Variants in ANKRD13C observed in about 807,000 individuals in gnomAD.
The protein encoded by ANKRD13C is ankyrin repeat domain-containing protein 13C.
A neutral mutation model predicts 65.5 loss-of-function variants in ANKRD13C; 16 were observed. The ratio of observed to expected loss-of-function variants is 0.24; its 90% CI spans 0.17 to 0.37. The LOEUF (loss-of-function observed/expected upper bound fraction) is 0.37, where lower values mean the gene tolerates loss of function less well. ANKRD13C is among the 10% of genes least tolerant of loss of function. ANKRD13C has a pLI of 1.00. For missense variants in ANKRD13C, 503 were observed against 655.9 expected, an observed-to-expected ratio of 0.77 and a Z score of 2.55; for synonymous variants, 235 against 238.7, an observed-to-expected ratio of 0.98 and a Z score of 0.14.
At chr1:70,350,000 C>T (rs536349729) in intron 1 of ANKRD13C, among the ~76,000 whole-genome samples, 63 of 152,000 alleles carry the variant, frequency 4.1e-4, no homozygotes, top group African/African-American at 1.5e-3. Flanking sequence ...AAAAATTAGC[C>T]GGTGTGGTGG....
At chr1:70,353,879 A>G in intron 1 of ANKRD13C, 100 bp downstream of exon 1, 1 of 1,391,400 alleles carries the variant, frequency 7.2e-7, no homozygotes. Flanking sequence ...ATGGGCAAAA[A>G]GAAGAGTCTG....
chr1:70,340,418 T>C (rs1038845651), intron 1 of ANKRD13C, among the ~76,000 whole-genome samples: 1 of 152,186 alleles, frequency 6.6e-6, no homozygotes, highest in Non-Finnish European at 1.5e-5. Flanking sequence ...GTAATTTCAA[T>C]CGTCTGAAAT....
rs1571999692 is a variant in ANKRD13C, at chr1:70,259,591, T to C, written c.*3126A>G. 6.6e-6 allele frequency among the ~76,000 whole-genome samples: 1 copy of C among 152,286 alleles called. No homozygotes were observed. The highest frequency in any genetic ancestry group is 6.5e-5 in the Admixed American group (1 of 15,292). ...AGAGTTAGTTACTATTGCCCCAGATTTCTGACATAAAATGCTTTGCAAGAG... is the reference window on the plus strand; with the variant it reads ...AGAGTTAGTTACTATTGCCCCAGATCTCTGACATAAAATGCTTTGCAAGAG... On this transcript the variant is annotated 3_prime_UTR_variant, in exon 13 of 13. Coordinates refer to ENST00000370944, the MANE Select transcript of ANKRD13C (RefSeq NM_030816.5).
chr1:70,296,012 A>G, intron 8 of ANKRD13C, 118 bp downstream of exon 8: 2 of 1,163,016 alleles, frequency 1.7e-6, no homozygotes, highest in Non-Finnish European at 2.4e-6. Context: ...CAAGGAAGAG[A>G]GAAAAAAACT....
In ANKRD13C at chr1:70,260,884, G is replaced by A. The variant is rs1230504565; in HGVS notation, c.*1833C>T. On this transcript the variant is annotated 3_prime_UTR_variant, in exon 13 of 13. Coordinates refer to ENST00000370944, the MANE Select transcript of ANKRD13C (RefSeq NM_030816.5). ...ACCCACTTTTTTTCTTCCCTAAGGTGTCTGTACTTATGAAAACATATATAG... is the reference window on the plus strand; with the variant it reads ...ACCCACTTTTTTTCTTCCCTAAGGTATCTGTACTTATGAAAACATATATAG... 1.3e-5 allele frequency: 2 copies of A among 152,050 alleles called. No homozygotes were observed. Among genetic ancestry groups the A allele is most frequent in the African/African-American group, 4.8e-5 (2 of 41,422 alleles). 9.4% of individuals were successfully genotyped at this position (152,050 alleles called of 1,614,324 possible).
chr1:70,331,657 C>T (rs879283251), intron 2 of ANKRD13C, among the ~76,000 whole-genome samples: 7 of 151,590 alleles, frequency 4.6e-5, no homozygotes, highest in Non-Finnish European at 8.8e-5. Flanking sequence ...GCCTGGCCAA[C>T]ATGGTGAAAC....
intron 3 of ANKRD13C, among the ~76,000 whole-genome samples, chr1:70,315,782 T>G (rs1428588454): frequency 1.3e-5 from 2 of 152,106 alleles, no homozygotes; most frequent in Non-Finnish European, 2.9e-5. Flanking sequence ...CTTGGAACAG[T>G]AAAAGAAGCT....
At chr1:70,325,603 G>A (rs990237147) in intron 2 of ANKRD13C, among the ~76,000 whole-genome samples, 2 of 152,198 alleles carry the variant, frequency 1.3e-5, no homozygotes, top group African/African-American at 4.8e-5. Context: ...AGTTGGCCGG[G>A]CGCGGTGGCT....
rs1302003964 is a variant in ANKRD13C at position 70,315,604 on chromosome 1, T to G, written c.578-38A>C. 6 of 1,530,478 alleles carry G rather than the reference T, an allele frequency of 3.9e-6. No homozygotes were observed. The East Asian group carries it at 1.4e-4, about 35-fold the overall frequency. 94.8% of individuals were successfully genotyped at this position (1,530,478 alleles called of 1,614,324 possible). A position where few individuals can be genotyped will look rare whatever the true frequency, so the allele number is the denominator to read the frequency against. On this transcript the variant is annotated intron_variant, in intron 3 of 12. Transcript: ENST00000370944. ...TTTTAAAAATAACTAATTTAAATTTTCATCATGCAGTAAAAACACCACTGG... is the reference window on the plus strand; with the variant it reads ...TTTTAAAAATAACTAATTTAAATTTGCATCATGCAGTAAAAACACCACTGG...
At chr1:70,266,125 C>A (rs1412608944) in intron 12 of ANKRD13C, among the ~76,000 whole-genome samples, 1 of 152,136 alleles carries the variant, frequency 6.6e-6, no homozygotes, top group Non-Finnish European at 1.5e-5. Flanking sequence ...CCTTTTATAG[C>A]CACAATTGCT....
intron 1 of ANKRD13C, among the ~76,000 whole-genome samples, chr1:70,340,609 T>A (rs1330469833): frequency 6.6e-6 from 1 of 152,188 alleles, no homozygotes; most frequent in Non-Finnish European, 1.5e-5. Context: ...TATTGTTGGC[T>A]TTTTTGGTAA....
chr1:70,352,742 T>C (rs896257445), intron 1 of ANKRD13C, among the ~76,000 whole-genome samples: 2 of 152,244 alleles, frequency 1.3e-5, no homozygotes, highest in African/African-American at 2.4e-5. Context: ...CCTTGTACTA[T>C]AATAGTAAAA....
At chr1:70,278,073 C>T (rs1679218232) in intron 9 of ANKRD13C, among the ~76,000 whole-genome samples, 1 of 151,322 alleles carries the variant, frequency 6.6e-6, no homozygotes, top group Non-Finnish European at 1.5e-5. Context: ...CCTGTGGTCT[C>T]AGCTGCTTGA....
At chr1:70,309,695 G>A (rs1324371919) in intron 5 of ANKRD13C, among the ~76,000 whole-genome samples, 3 of 140,810 alleles carry the variant, frequency 2.1e-5, no homozygotes, top group Non-Finnish European at 4.6e-5. Flanking sequence ...TAGCCTGGGC[G>A]ACAGAGCCAG....
At chr1:70,275,400 G>T (rs1450800867) in intron 10 of ANKRD13C, among the ~76,000 whole-genome samples, 5 of 151,886 alleles carry the variant, frequency 3.3e-5, no homozygotes, top group Admixed American at 2.0e-4. Context: ...AAGTGGAAAC[G>T]GTGGGGAAAA....
At chr1:70,346,103 A>AT (rs1682516637) in intron 1 of ANKRD13C, among the ~76,000 whole-genome samples, 1 of 152,008 alleles carries the variant, frequency 6.6e-6, no homozygotes, top group Non-Finnish European at 1.5e-5. Flanking sequence ...AAGTGCTGGG[A>AT]TTACAGGTGT....
intron 12 of ANKRD13C, among the ~76,000 whole-genome samples, chr1:70,269,490 C>T (rs1678782929): frequency 6.6e-6 from 1 of 152,092 alleles, no homozygotes. Context: ...GTCTAAAACT[C>T]GAAATATTTC....
chr1:70,344,799 A>G (rs1172139073), intron 1 of ANKRD13C, among the ~76,000 whole-genome samples: 1 of 151,980 alleles, frequency 6.6e-6, no homozygotes, highest in Non-Finnish European at 1.5e-5. Context: ...TTTTGTATAG[A>G]TATATCTATT....
chr1:70,311,402 G>C (rs1272049024), intron 5 of ANKRD13C, among the ~76,000 whole-genome samples: 1 of 152,182 alleles, frequency 6.6e-6, no homozygotes, highest in East Asian at 1.9e-4. Flanking sequence ...TTGAACCCAG[G>C]AGGTGGAGGT....
Sources: allele counts gnomAD v4.1 joint callset (sites outside exome capture counted in the v4.1 genomes callset), GRCh38; gene constraint gnomAD v4.1.1; transcripts MANE v1.5; gene names NCBI Gene and HGNC (gene_info 2026-07-23, HGNC 2026-07-21).